The following MEI4 variants were observed in gnomAD, a reference collection of about 807,000 sequenced individuals.
MEI4 encodes the protein meiosis-specific protein MEI4.
MEI4 carries 27 observed loss-of-function variants against 31.4 expected under a neutral mutation model. The ratio of observed to expected loss-of-function variants is 0.86; its 90% CI spans 0.63 to 1.19. The LOEUF is 1.19. Ranked by LOEUF, MEI4 falls within the 50% of genes most tolerant of loss-of-function variation. MEI4 has a pLI of 0.00. For synonymous variants in MEI4, 122 were observed against 145.4 expected (o/e 0.84, Z 1.16); for missense variants, 329 against 398.9 (o/e 0.82, Z 1.49).
chr6:77,823,871 C>G (rs998025431), intron 3 of MEI4, among the ~76,000 whole-genome samples: 3 of 150,436 alleles, frequency 2.0e-5, no homozygotes, highest in Non-Finnish European at 4.4e-5. Flanking sequence ...TCTCTTTATC[C>G]TACTGTCCAG....
At chr6:77,688,607 T>G (rs1255989240) in intron 1 of MEI4, among the ~76,000 whole-genome samples, 1 of 152,126 alleles carries the variant, frequency 6.6e-6, no homozygotes, top group African/African-American at 2.4e-5. Flanking sequence ...ACAGGGAATT[T>G]GCTGTGTTTT....
intron 4 of MEI4, among the ~76,000 whole-genome samples, chr6:77,853,788 G>A (rs1439608763): frequency 6.6e-6 from 1 of 152,174 alleles, no homozygotes; most frequent in Admixed American, 6.5e-5. Flanking sequence ...GAGATAATGA[G>A]AGGTCTAGGA....
At chr6:77,705,828 A>T (rs1339937659) in intron 2 of MEI4, among the ~76,000 whole-genome samples, 1 of 152,220 alleles carries the variant, frequency 6.6e-6, no homozygotes, top group Non-Finnish European at 1.5e-5. Context: ...ATTTGTTAGC[A>T]TTGGTATAGT....
chr6:77,742,433 C>G (rs1323207347), intron 2 of MEI4, among the ~76,000 whole-genome samples: 1 of 152,080 alleles, frequency 6.6e-6, no homozygotes, highest in Non-Finnish European at 1.5e-5. Flanking sequence ...TGAGAAGTGT[C>G]TGTTCATGTC....
At chr6:77,741,209 A>T (rs567141937) in intron 2 of MEI4, among the ~76,000 whole-genome samples, 14 of 152,304 alleles carry the variant, frequency 9.2e-5, no homozygotes, top group African/African-American at 3.4e-4. Flanking sequence ...GCATGTAAAT[A>T]ACGATAAGAG....
At chr6:77,690,091 A>G (rs1769131163) in intron 1 of MEI4, among the ~76,000 whole-genome samples, 1 of 152,054 alleles carries the variant, frequency 6.6e-6, no homozygotes, top group African/African-American at 2.4e-5. Context: ...TAAATGATGC[A>G]AATATTTAAA....
At chr6:77,681,946 C>T (rs1768964931) in intron 1 of MEI4, among the ~76,000 whole-genome samples, 1 of 152,124 alleles carries the variant, frequency 6.6e-6, no homozygotes, top group Admixed American at 6.5e-5. Flanking sequence ...TGTAAAATTT[C>T]ATATGACATT....
At chr6:77,764,677 G>A (rs1198905463) in intron 3 of MEI4, among the ~76,000 whole-genome samples, 1 of 152,166 alleles carries the variant, frequency 6.6e-6, no homozygotes, top group Admixed American at 6.5e-5. Context: ...AGTGCACACA[G>A]AATGTTCTCC....
rs138841776 is a variant in MEI4, at chr6:77,916,462, G to T, written c.901-6627G>T. On this transcript the variant is annotated intron_variant, in intron 4 of 4. Transcript: ENST00000684080. The stretch of plus-strand genomic sequence containing the variant: ...ATTTTGGTTATATTAGGCACATGGT[G>T]TTGGTTAGTTTGGTTGATGTTGATC... Among the ~76,000 whole-genome samples the T allele has an allele frequency of 2.7e-3, 410 of 152,128 alleles. 1 individual carries two copies. Among genetic ancestry groups the T allele is most frequent in the African/African-American group, 9.7e-3 (401 of 41,532 alleles).
intron 2 of MEI4, among the ~76,000 whole-genome samples, chr6:77,751,219 G>T (rs191108194): frequency 6.6e-6 from 1 of 151,992 alleles, no homozygotes; most frequent in East Asian, 1.9e-4. Flanking sequence ...TGAGAAACAA[G>T]AGCAAACAAA....
chr6:77,707,307 G>C (rs189183245), intron 2 of MEI4, among the ~76,000 whole-genome samples: 21 of 152,266 alleles, frequency 1.4e-4, no homozygotes, highest in Middle Eastern at 3.4e-3. Context: ...GAGCTTAAGA[G>C]TCATAATGTG....
chr6:77,746,002 C>A (rs1217933476), intron 2 of MEI4, among the ~76,000 whole-genome samples: 2 of 151,882 alleles, frequency 1.3e-5, no homozygotes, highest in Non-Finnish European at 2.9e-5. Flanking sequence ...ACACTAAATG[C>A]CCACAAGAGA....
chr6:77,876,268 G>A (rs376499563), intron 4 of MEI4, among the ~76,000 whole-genome samples: 11 of 152,274 alleles, frequency 7.2e-5, no homozygotes, highest in South Asian at 2.1e-4. Flanking sequence ...TTTAAGAGGC[G>A]GGGCCTTTAA....
At chr6:77,676,121 A>G (rs949463650) in intron 1 of MEI4, among the ~76,000 whole-genome samples, 3 of 152,134 alleles carry the variant, frequency 2.0e-5, no homozygotes, top group African/African-American at 4.8e-5. Flanking sequence ...ACTTTCTGCA[A>G]CCATTTACAT....
intron 2 of MEI4, among the ~76,000 whole-genome samples, chr6:77,711,317 T>C (rs990101691): frequency 6.6e-6 from 1 of 152,184 alleles, no homozygotes; most frequent in African/African-American, 2.4e-5. Context: ...TCACAAGATA[T>C]GTATATGTGT....
At chr6:77,864,336 A>G (rs1300553791) in intron 4 of MEI4, among the ~76,000 whole-genome samples, 4 of 152,218 alleles carry the variant, frequency 2.6e-5, no homozygotes, top group Admixed American at 1.3e-4. Flanking sequence ...CAGGAAACCC[A>G]TCTCACATAC....
chr6:77,690,587 A>G (rs994317538), intron 1 of MEI4, 71 bp from the exon 2 acceptor site: 12 of 693,824 alleles, frequency 1.7e-5, no homozygotes, highest in Admixed American at 4.3e-5. Context: ...TGCAAAATCA[A>G]TTTTAAGCAA....
intron 1 of MEI4, among the ~76,000 whole-genome samples, chr6:77,683,248 G>T (rs947277312): frequency 9.9e-5 from 15 of 151,682 alleles, no homozygotes; most frequent in African/African-American, 3.4e-4. Context: ...AATCTTCTTT[G>T]TTTATTAATT....
upstream of MEI4, among the ~76,000 whole-genome samples, chr6:77,651,021 T>A (rs1768289921): frequency 6.6e-6 from 1 of 152,214 alleles, no homozygotes; most frequent in Admixed American, 6.5e-5. Context: ...AGACGTGGTC[T>A]TTTGTCTCAA....
Sources: gnomAD v4.1 joint callset for allele counts (sites outside exome capture counted in the v4.1 genomes callset) on GRCh38, gnomAD v4.1.1 for gene constraint, MANE v1.5 for transcripts, NCBI Gene and HGNC (gene_info 2026-07-23, HGNC 2026-07-21) for gene names.